Variants in NDUFV3 observed in about 807,000 individuals in gnomAD.
NDUFV3 encodes NADH dehydrogenase [ubiquinone] flavoprotein 3, mitochondrial.
Under a neutral mutation model 37.5 loss-of-function variants are expected in NDUFV3, and 44 were observed. The observed-to-expected ratio is 1.17, with a 90% CI of 0.92 to 1.51. NDUFV3 has a LOEUF of 1.51. NDUFV3 is among the 40% of genes most tolerant of loss of function. The pLI, the probability that NDUFV3 is intolerant of heterozygous loss-of-function variation, is 0.00. For missense variants in NDUFV3, 580 were observed against 580.4 expected (o/e 1.00, Z 0.01); for synonymous variants, 235 against 239.3 (o/e 0.98, Z 0.17).
rs2146170140 is a variant in NDUFV3, at chr21:42,910,315, ACT to A, written c.*1296_*1297del. The A allele has an allele frequency of 6.6e-6, 1 of 152,216 alleles. No homozygotes were observed. The highest frequency in any genetic ancestry group is 1.9e-4 in the East Asian group (1 of 5,168). 9.4% of individuals were successfully genotyped at this position (152,216 alleles called of 1,614,324 possible). A position where few individuals can be genotyped will look rare whatever the true frequency, so the allele number is the denominator to read the frequency against. On this transcript the variant is annotated 3_prime_UTR_variant, in exon 4 of 4. Transcript: ENST00000354250. ...CTCCAGCCTGGGCAACAGGAGTGAA[ACT>A]CAATCAAAAAAAAGGAACAGGAATG...
intron 3 of NDUFV3, among the ~76,000 whole-genome samples, chr21:42,905,815 G>A (rs1037377496): frequency 1.4e-5 from 2 of 145,698 alleles, no homozygotes; most frequent in Non-Finnish European, 3.0e-5. Context: ...CGTGCCTAGC[G>A]TGTGGAGGCT....
chr21:42,909,489 G>A lies in NDUFV3; in HGVS notation c.*468G>A, dbSNP rs554290355. On this transcript the variant is annotated 3_prime_UTR_variant, in exon 4 of 4. Coordinates refer to ENST00000354250, the MANE Select transcript of NDUFV3 (RefSeq NM_021075.4). ...GTGGTGAATTAGCAACAGTAACACT[G>A]ATTATCCAACATATATTTTGGAATA... is the stretch of plus-strand genomic sequence containing the variant. The A allele has an allele frequency of 2.8e-5, 6 of 217,236 alleles. 1 individual carries two copies. The South Asian group carries it at 4.1e-4, about 15-fold the overall frequency. 13.5% of individuals were successfully genotyped at this position (217,236 alleles called of 1,614,324 possible). A position where few individuals can be genotyped will look rare whatever the true frequency, so the allele number is the denominator to read the frequency against.
Position 42,894,443 on chromosome 21 carries a change from AT to A in NDUFV3, c.48+1063del, listed in dbSNP as rs1473255840. Among the ~76,000 whole-genome samples the A allele has an allele frequency of 3.7e-4, 20 of 53,796 alleles. 2 individuals carry two copies. The highest frequency in any genetic ancestry group is 3.7e-3 in the Admixed American group (16 of 4,348). 35.3% of individuals were successfully genotyped at this position (53,796 alleles called of 152,430 possible). A position where few individuals can be genotyped will look rare whatever the true frequency, so the allele number is the denominator to read the frequency against. On this transcript the variant is annotated intron_variant, in intron 1 of 3. Transcript: ENST00000354250. ...ATATTATATAAATATATATTATATA[AT>A]ATATATAATATGTTTATATAAATAT... is the stretch of plus-strand genomic sequence containing the variant.
At chr21:42,895,534 T>A (rs1185835763) in intron 1 of NDUFV3, among the ~76,000 whole-genome samples, 3 of 151,322 alleles carry the variant, frequency 2.0e-5, no homozygotes, top group African/African-American at 7.3e-5. Context: ...CACCTGTAAT[T>A]CCAGCTACTT....
At chr21:42,901,006 T>A (rs2058715820) in intron 2 of NDUFV3, among the ~76,000 whole-genome samples, 1 of 152,224 alleles carries the variant, frequency 6.6e-6, no homozygotes, top group South Asian at 2.1e-4. Context: ...CTGAGTAATT[T>A]CTGTGTAGCT....
At position 42,903,772 on chromosome 21, in the gene NDUFV3, G is replaced by A. The variant is rs759165660; in HGVS notation, c.760G>A (p.Val254Ile). The change falls in exon 3 of 4, where the codon GTA becomes ATA. Residue 254 changes from valine to isoleucine, a missense_variant. Val to Ile is a conservative substitution (Grantham distance 29). Coordinates refer to ENST00000354250, the MANE Select transcript of NDUFV3 (RefSeq NM_021075.4). ...RPKTTMPRSQ[V>I]DEEFLKQSLK... ...AAAAACCACAATGCCCAGATCTCAA[G>A]TAGATGAAGAGTTTTTGAAGCAAAG... 1.2e-6 allele frequency: 2 copies of A among 1,614,170 alleles called. No homozygotes were observed. The highest frequency in any genetic ancestry group is 1.7e-6 in the Non-Finnish European group (2 of 1,180,040).
At chr21:42,902,740 A>G (rs954802117) in intron 2 of NDUFV3, among the ~76,000 whole-genome samples, 8 of 152,188 alleles carry the variant, frequency 5.3e-5, no homozygotes, top group African/African-American at 1.9e-4. Context: ...TTTATTATAC[A>G]GTCATCCTTC....
At position 42,909,211 on chromosome 21, in the gene NDUFV3, G is replaced by A. The variant is rs548711169; in HGVS notation, c.*190G>A. 4.6e-5 allele frequency: 26 copies of A among 567,086 alleles called. No individual in the cohort carries two copies. Among genetic ancestry groups the A allele is most frequent in the African/African-American group, 3.0e-4 (15 of 49,866 alleles). The allele number at this position is 567,086 out of a possible 1,614,324, so 35.1% of individuals were successfully genotyped here. A position where few individuals can be genotyped will look rare whatever the true frequency, so the allele number is the denominator to read the frequency against. On this transcript the variant is annotated 3_prime_UTR_variant, in exon 4 of 4. Coordinates refer to ENST00000354250, the MANE Select transcript of NDUFV3 (RefSeq NM_021075.4). ...GGCTGGAGTGCAGTGGCACATTCTC[G>A]GCTCACTGCAACTTCCGCCTCCTGG... is the stretch of plus-strand genomic sequence containing the variant.
intron 2 of NDUFV3, among the ~76,000 whole-genome samples, chr21:42,898,477 G>T (rs1417704902): frequency 6.6e-6 from 1 of 151,728 alleles, no homozygotes; most frequent in Non-Finnish European, 1.5e-5. Flanking sequence ...TGATGTTGTT[G>T]TTTATTTTTT....
At position 42,911,556 on chromosome 21, in the gene NDUFV3, C is replaced by T. The variant is rs1023138386; in HGVS notation, c.*2535C>T. ...TCCCAGGCCCAAGCAATCCTCCCAT[C>T]TCAGCCCACTTTGTAGCTGGGACTG... On this transcript the variant is annotated 3_prime_UTR_variant, in exon 4 of 4. Transcript: ENST00000354250. 2 of 148,340 alleles carry T rather than the reference C, an allele frequency of 1.3e-5. No homozygotes were observed. The highest frequency in any genetic ancestry group is 3.0e-5 in the Non-Finnish European group (2 of 67,430). The allele number at this position is 148,340 out of a possible 1,614,324, so 9.2% of individuals were successfully genotyped here. A position where few individuals can be genotyped will look rare whatever the true frequency, so the allele number is the denominator to read the frequency against.
At position 42,903,665 on chromosome 21, in the gene NDUFV3, T is replaced by C. The variant is rs372440501; in HGVS notation, c.653T>C (p.Ile218Thr). The C allele has an allele frequency of 6.2e-7, 1 of 1,613,904 alleles. No homozygotes were observed. Among genetic ancestry groups the C allele is most frequent in the Non-Finnish European group, 8.5e-7 (1 of 1,180,010 alleles). The change falls in exon 3 of 4, where the codon ATT becomes ACT. Residue 218 changes from isoleucine to threonine, a missense_variant. Ile to Thr is a moderately conservative substitution (Grantham distance 89, BLOSUM62 -1). Coordinates refer to ENST00000354250, the MANE Select transcript of NDUFV3 (RefSeq NM_021075.4). ...KTLLQKPHVD[I>T]TDPEKPHQPK... ...TTGCTGCAGAAGCCGCATGTGGACA[T>C]TACTGATCCAGAGAAGCCCCACCAG... is the stretch of plus-strand genomic sequence containing the variant.
chr21:42,904,116 G>A lies in NDUFV3; in HGVS notation c.1104G>A (p.Gln368=). The A allele has an allele frequency of 1.2e-6, 2 of 1,614,262 alleles. No individual in the cohort carries two copies. The highest frequency in any genetic ancestry group is 2.7e-5 in the African/African-American group (2 of 75,066). Residue 368 remains glutamine, a synonymous_variant, in exon 3 of 4, where the codon CAG becomes CAA. Transcript: ENST00000354250. ...QGIEGHLKGG[Q]AIVEDQIPPS... ...TAGAAGGCCACCTGAAGGGTGGACA[G>A]GCAATCGTGGAAGATCAGATACCAC... is the stretch of plus-strand genomic sequence containing the variant.
Position 42,899,744 on chromosome 21 carries a change from AT to A in NDUFV3, c.169+2703del, listed in dbSNP as rs1568857581. Among the ~76,000 whole-genome samples, 10 of 151,866 alleles carry A rather than the reference AT, an allele frequency of 6.6e-5. No individual in the cohort carries two copies. In the South Asian group the frequency reaches 1.7e-3, roughly 25 times the overall value. On this transcript the variant is annotated intron_variant, in intron 2 of 3. Transcript: ENST00000354250. ...AGGCGTGAGCCACTGCACCCAGCCA[AT>A]TTTTTGTATTTTTTAGTAGAGACAG...
At position 42,911,319 on chromosome 21, in the gene NDUFV3, C is replaced by T. The variant is rs912147352; in HGVS notation, c.*2298C>T. 2.6e-5 allele frequency: 4 copies of T among 151,724 alleles called. No individual in the cohort carries two copies. Among genetic ancestry groups the T allele is most frequent in the African/African-American group, 9.7e-5 (4 of 41,334 alleles). The allele number at this position is 151,724 out of a possible 1,614,324, so 9.4% of individuals were successfully genotyped here. On this transcript the variant is annotated 3_prime_UTR_variant, in exon 4 of 4. Coordinates refer to ENST00000354250, the MANE Select transcript of NDUFV3 (RefSeq NM_021075.4). ...ATCTGCCTCAAATTGTGTTACCACA[C>T]GGGAGACTTAGCAACTCAGCCAGAT...
intron 2 of NDUFV3, among the ~76,000 whole-genome samples, chr21:42,901,159 T>C (rs545505489): frequency 6.6e-6 from 1 of 151,842 alleles, no homozygotes; most frequent in Non-Finnish European, 1.5e-5. Flanking sequence ...AGTAAAAAAA[T>C]AGGCACAGTG....
intron 1 of NDUFV3, among the ~76,000 whole-genome samples, chr21:42,895,082 G>T (rs890383626): frequency 4.6e-5 from 7 of 152,158 alleles, no homozygotes; most frequent in African/African-American, 1.4e-4. Context: ...CATAGGGCCT[G>T]GCAGGTGGCT....
intron 2 of NDUFV3, among the ~76,000 whole-genome samples, chr21:42,899,518 C>T (rs2058709750): frequency 6.6e-6 from 1 of 152,130 alleles, no homozygotes. Flanking sequence ...GATCTCGGCT[C>T]ACTGCAACCT....
At chr21:42,900,272 C>T (rs565803085) in intron 2 of NDUFV3, among the ~76,000 whole-genome samples, 2 of 152,092 alleles carry the variant, frequency 1.3e-5, no homozygotes, top group African/African-American at 2.4e-5. Context: ...CAGGCCAAGG[C>T]GGGCCGATCA....
intron 3 of NDUFV3, among the ~76,000 whole-genome samples, chr21:42,905,895 A>G (rs1225282462): frequency 3.0e-5 from 4 of 132,866 alleles, no homozygotes; most frequent in African/African-American, 1.2e-4. Context: ...ATGGAATCTC[A>G]CTCTGTCACC....
Sources: allele counts gnomAD v4.1 joint callset (sites outside exome capture counted in the v4.1 genomes callset), GRCh38; gene constraint gnomAD v4.1.1; transcripts MANE v1.5; gene names NCBI Gene and HGNC (gene_info 2026-07-23, HGNC 2026-07-21).